BORA: variants seen among roughly 807,000 people sequenced by gnomAD.
The protein encoded by BORA is protein aurora borealis.
BORA carries 26 observed loss-of-function variants against 55.8 expected under a neutral mutation model. The ratio of observed to expected loss-of-function variants is 0.47; its 90% CI spans 0.34 to 0.65. The LOEUF is 0.65. Ranked by LOEUF, BORA falls within the 30% of genes least tolerant of loss-of-function variation. The probability of loss-of-function intolerance (pLI) is 0.01; values close to 1 mark genes in which losing one functional copy is unlikely to be tolerated. For missense variants in BORA, 568 were observed against 671.5 expected (o/e 0.85, Z 1.70); for synonymous variants, 201 against 216.9 (o/e 0.93, Z 0.64).
At chr13:72,735,395 G>T (rs1301744672) in intron 4 of BORA, among the ~76,000 whole-genome samples, 1 of 151,980 alleles carries the variant, frequency 6.6e-6, no homozygotes, top group East Asian at 1.9e-4. Context: ...AATATTCTCA[G>T]GCCTTCAGAG....
Position 72,755,144 on chromosome 13 carries a change from T to A in BORA, c.1615-7T>A, listed in dbSNP as rs1359966706. On this transcript the variant is annotated splice_region_variant and splice_polypyrimidine_tract_variant and intron_variant, in intron 11 of 11. Coordinates refer to ENST00000390667, the MANE Select transcript of BORA (RefSeq NM_024808.5). Reference sequence around the variant, plus strand: ...CTGAAAACAAGGTATTGTCTTCTTTTTCACAGCAAGACCACACAACACAGA... The same window carrying A: ...CTGAAAACAAGGTATTGTCTTCTTTATCACAGCAAGACCACACAACACAGA... 3 of 1,613,390 alleles carry A rather than the reference T, an allele frequency of 1.9e-6. No individual in the cohort carries two copies. The highest frequency in any genetic ancestry group is 1.6e-4 in the Middle Eastern group (1 of 6,082).
chr13:72,729,780 A>C (rs771773141), intron 2 of BORA, among the ~76,000 whole-genome samples: 1 of 148,484 alleles, frequency 6.7e-6, no homozygotes, highest in Non-Finnish European at 1.5e-5. Flanking sequence ...GAAACTGTCA[A>C]AATAATTCTT....
intron 5 of BORA, among the ~76,000 whole-genome samples, chr13:72,742,102 AT>A (rs2033044091): frequency 6.6e-6 from 1 of 152,016 alleles, no homozygotes; most frequent in African/African-American, 2.4e-5. Context: ...TGCATCCAAA[AT>A]TTTCTTTATT....
intron 5 of BORA, among the ~76,000 whole-genome samples, chr13:72,742,708 T>G (rs2033056666): frequency 6.6e-6 from 1 of 150,402 alleles, no homozygotes. Flanking sequence ...AGATATGGAG[T>G]CAACCTAAGT....
At chr13:72,744,469 A>G in intron 6 of BORA, 36 bp from the exon 7 acceptor site, 1 of 1,560,952 alleles carries the variant, frequency 6.4e-7, no homozygotes, top group South Asian at 1.1e-5. Flanking sequence ...GATTTATCCC[A>G]TGTTTGAATT....
At chr13:72,731,408 C>T in intron 3 of BORA, 21 bp downstream of exon 3, 1 of 1,489,814 alleles carries the variant, frequency 6.7e-7, no homozygotes, top group Middle Eastern at 1.8e-4. Context: ...CTTTCTTGCA[C>T]CTAAGTCTAA....
intron 10 of BORA, among the ~76,000 whole-genome samples, chr13:72,749,921 CCAAT>C (rs2033230488): frequency 6.6e-6 from 1 of 152,180 alleles, no homozygotes; most frequent in African/African-American, 2.4e-5. Context: ...TGCATTCTTT[CCAAT>C]CAGACCACTA....
chr13:72,755,385 G>C lies in BORA; in HGVS notation c.*169G>C, dbSNP rs1445826295. 3 of 533,616 alleles carry C rather than the reference G, an allele frequency of 5.6e-6. No homozygotes were observed. The highest frequency in any genetic ancestry group is 9.9e-6 in the Non-Finnish European group (3 of 304,118). 33.1% of individuals were successfully genotyped at this position (533,616 alleles called of 1,614,324 possible). ...TTACTGACATAGGAACAACAGAAAT[G>C]CTCCTGGAACTTCAAGTTGCTGAAT... is the stretch of plus-strand genomic sequence containing the variant. On this transcript the variant is annotated 3_prime_UTR_variant, in exon 12 of 12. Transcript: ENST00000390667.
At chr13:72,754,867 C>T (rs1020489480) in intron 11 of BORA, 2 of 309,882 alleles carry the variant, frequency 6.5e-6, no homozygotes, top group Non-Finnish European at 1.2e-5. Context: ...AGGCATGTGC[C>T]ACCACACCCA....
At chr13:72,738,627 G>A (rs1416894427) in intron 5 of BORA, among the ~76,000 whole-genome samples, 1 of 152,070 alleles carries the variant, frequency 6.6e-6, no homozygotes, top group East Asian at 1.9e-4. Context: ...GGAATCACTT[G>A]TATATATGCA....
rs751072822 is a variant in BORA, at chr13:72,734,998, T to C, written c.299T>C (p.Ile100Thr). The C allele has an allele frequency of 1.3e-6, 2 of 1,589,272 alleles. No homozygotes were observed. Among genetic ancestry groups the C allele is most frequent in the Non-Finnish European group, 1.7e-6 (2 of 1,158,640 alleles). The change falls in exon 4 of 12, where the codon ATT (isoleucine) becomes ACT (threonine). Residue 100 changes from isoleucine (I) to threonine (T), a missense_variant. Coordinates refer to ENST00000390667, the MANE Select transcript of BORA (RefSeq NM_024808.5). ...KDVEDKRQKA[I>T]EEFFTKDVIV... Reference sequence around the variant, plus strand: ...GTGGAAGACAAAAGACAAAAAGCCATTGAAGAGGTAACTTAAACTGTTACT... The same window carrying C: ...GTGGAAGACAAAAGACAAAAAGCCACTGAAGAGGTAACTTAAACTGTTACT...
chr13:72,739,666 T>G (rs1380383435), intron 5 of BORA, among the ~76,000 whole-genome samples: 1 of 152,180 alleles, frequency 6.6e-6, no homozygotes, highest in Non-Finnish European at 1.5e-5. Flanking sequence ...TGGGGTTCCT[T>G]AGCTATGGTG....
intron 1 of BORA, 199 bp downstream of exon 1, chr13:72,728,206 C>T (rs2032725818): frequency 2.6e-6 from 2 of 760,782 alleles, no homozygotes; most frequent in East Asian, 2.7e-5. Context: ...TCCAGGGAAG[C>T]CGGCTGCATC....
chr13:72,735,128 G>T, intron 4 of BORA, 123 bp downstream of exon 4: 2 of 749,982 alleles, frequency 2.7e-6, no homozygotes, highest in Admixed American at 2.4e-5. Context: ...GCCCTTCACA[G>T]TCCCATCTAT....
In BORA at chr13:72,746,861, C is replaced by T. The variant is rs771139169; in HGVS notation, c.1232C>T (p.Ser411Phe). 11 of 1,613,926 alleles carry T rather than the reference C, an allele frequency of 6.8e-6. No individual in the cohort carries two copies. Among genetic ancestry groups the T allele is most frequent in the Non-Finnish European group, 8.5e-6 (10 of 1,180,002 alleles). The change falls in exon 10 of 12, where the codon TCC becomes TTC. Residue 411 changes from serine to phenylalanine, a missense_variant. Coordinates refer to ENST00000390667, the MANE Select transcript of BORA (RefSeq NM_024808.5). ...VTAMSVTQNQ[S>F]SASEKELALL... Reference sequence around the variant, plus strand: ...GCCATGTCTGTTACACAAAATCAGTCCAGTGCTTCTGAGAAAGAATTAGCA... The same window carrying T: ...GCCATGTCTGTTACACAAAATCAGTTCAGTGCTTCTGAGAAAGAATTAGCA...
At chr13:72,753,969 T>A in intron 11 of BORA, 148 bp downstream of exon 11, 1 of 826,306 alleles carries the variant, frequency 1.2e-6, no homozygotes, top group Non-Finnish European at 1.8e-6. Context: ...CAATAACCTT[T>A]AAATATTTTG....
intron 4 of BORA, 131 bp from the exon 5 acceptor site, chr13:72,737,831 T>G (rs1019346858): frequency 3.2e-6 from 1 of 316,770 alleles, no homozygotes; most frequent in African/African-American, 2.2e-5. Context: ...TTTGGTCATT[T>G]GTATTAAAAT....
Position 72,728,191 on chromosome 13 carries a change from C to G in BORA, c.-16+184C>G, listed in dbSNP as rs374607666. ...GGTTGGGGGCGACGCCTCCTTCGCA[C>G]TCCATCCAGGGAAGCCGGCTGCATC... On this transcript the variant is annotated intron_variant, in intron 1 of 11. Transcript: ENST00000390667. The G allele has an allele frequency of 8.8e-5, 72 of 814,878 alleles. No homozygotes were observed. The East Asian group carries it at 1.0e-3, about 11-fold the overall frequency. 50.5% of individuals were successfully genotyped at this position (814,878 alleles called of 1,614,324 possible).
intron 10 of BORA, 67 bp downstream of exon 10, chr13:72,747,178 A>C (rs2033169186): frequency 6.6e-7 from 1 of 1,514,006 alleles, no homozygotes; most frequent in African/African-American, 1.4e-5. Context: ...TTCTAAGATT[A>C]TAGTATAAGA....
Sources: allele counts gnomAD v4.1 joint callset (sites outside exome capture counted in the v4.1 genomes callset), GRCh38; gene constraint gnomAD v4.1.1; transcripts MANE v1.5; gene names NCBI Gene and HGNC (gene_info 2026-07-23, HGNC 2026-07-21).